Variants in GRM8 observed in about 807,000 individuals in gnomAD.
The protein encoded by GRM8 is glutamate metabotropic receptor 8, also known as metabotropic glutamate receptor 8.
Under a neutral mutation model 87.2 loss-of-function variants are expected in GRM8, and 47 were observed. That is an observed-to-expected ratio of 0.54 (90% CI 0.43 to 0.69). GRM8 has a LOEUF of 0.69. Ranked by LOEUF, GRM8 falls within the 30% of genes least tolerant of loss-of-function variation. The probability of loss-of-function intolerance (pLI) is 0.00; values close to 1 mark genes in which losing one functional copy is unlikely to be tolerated. For synonymous variants in GRM8, 396 were observed against 404.5 expected (o/e 0.98, Z 0.25); for missense variants, 1,019 against 1,139.2 (o/e 0.89, Z 1.52).
At chr7:126,862,925 G>C (rs534173005) in intron 6 of GRM8, among the ~76,000 whole-genome samples, 1 of 152,080 alleles carries the variant, frequency 6.6e-6, no homozygotes, top group African/African-American at 2.4e-5. Flanking sequence ...TATTTTGTTA[G>C]TAATTTCTCC....
At chr7:126,560,831 T>A (rs1793615693) in intron 8 of GRM8, among the ~76,000 whole-genome samples, 1 of 152,222 alleles carries the variant, frequency 6.6e-6, no homozygotes, top group Admixed American at 6.5e-5. Context: ...TTTATCAAGT[T>A]GGCTAAATAG....
intron 8 of GRM8, among the ~76,000 whole-genome samples, chr7:126,594,343 C>G (rs908593826): frequency 1.2e-4 from 18 of 151,954 alleles, no homozygotes; most frequent in African/African-American, 4.1e-4. Context: ...ACCTAAGTGT[C>G]CATCAGTGGA....
chr7:127,194,857 G>A (rs1795201649), intron 2 of GRM8, among the ~76,000 whole-genome samples: 1 of 152,172 alleles, frequency 6.6e-6, no homozygotes, highest in South Asian at 2.1e-4. Context: ...GTCAAGTCAT[G>A]TTTTCCAGGG....
chr7:127,114,590 A>G (rs1418432161), intron 2 of GRM8, among the ~76,000 whole-genome samples: 1 of 152,218 alleles, frequency 6.6e-6, no homozygotes, highest in African/African-American at 2.4e-5. Flanking sequence ...CAGAGAGAGG[A>G]GAGACAAGAT....
chr7:126,525,916 A>G (rs1344136677), intron 9 of GRM8, among the ~76,000 whole-genome samples: 1 of 152,208 alleles, frequency 6.6e-6, no homozygotes, highest in Admixed American at 6.5e-5. Flanking sequence ...TAATTATTCA[A>G]ATAAATCTGT....
At chr7:127,209,929 CCCCA>C (rs1464696649) in intron 2 of GRM8, among the ~76,000 whole-genome samples, 1 of 152,122 alleles carries the variant, frequency 6.6e-6, no homozygotes, top group Non-Finnish European at 1.5e-5. Context: ...CCTGCAGCAT[CCCCA>C]CAACATATAA....
At chr7:126,840,502 T>C (rs899586305) in intron 6 of GRM8, among the ~76,000 whole-genome samples, 3 of 152,232 alleles carry the variant, frequency 2.0e-5, no homozygotes, top group Admixed American at 6.5e-5. Flanking sequence ...CATAGTTTTT[T>C]TCTCATTCAT....
At chr7:127,138,749 T>C (rs1269811562) in intron 2 of GRM8, among the ~76,000 whole-genome samples, 3 of 152,080 alleles carry the variant, frequency 2.0e-5, no homozygotes, top group South Asian at 2.1e-4. Flanking sequence ...AAAACAACTC[T>C]CTTTAGTGAC....
At chr7:127,042,818 G>C (rs571308698) in intron 3 of GRM8, among the ~76,000 whole-genome samples, 24 of 152,266 alleles carry the variant, frequency 1.6e-4, no homozygotes, top group Non-Finnish European at 2.6e-4. Flanking sequence ...CCATCAGAGT[G>C]AACAGGCAAC....
At chr7:127,013,755 G>A (rs1466331576) in intron 3 of GRM8, among the ~76,000 whole-genome samples, 1 of 152,088 alleles carries the variant, frequency 6.6e-6, no homozygotes, top group Non-Finnish European at 1.5e-5. Flanking sequence ...AGAGAATCCT[G>A]TGAACTAAGA....
intron 3 of GRM8, among the ~76,000 whole-genome samples, chr7:127,004,045 T>C (rs771841117): frequency 6.6e-6 from 1 of 151,694 alleles, no homozygotes; most frequent in Admixed American, 6.6e-5. Context: ...AAGGACTTTA[T>C]AAACACATAC....
intron 2 of GRM8, among the ~76,000 whole-genome samples, chr7:127,211,243 T>C (rs1036231521): frequency 1.3e-5 from 2 of 152,192 alleles, no homozygotes; most frequent in Non-Finnish European, 2.9e-5. Flanking sequence ...GCCTTCAGTA[T>C]GTGGTCAAAA....
chr7:126,810,434 G>A (rs1793177644), intron 6 of GRM8, among the ~76,000 whole-genome samples: 1 of 152,152 alleles, frequency 6.6e-6, no homozygotes, highest in African/African-American at 2.4e-5. Context: ...CTGCACCCAT[G>A]ACCCGGTTGC....
In GRM8 at chr7:126,942,306, A is replaced by AT. The variant is rs552416965; in HGVS notation, c.728-37624dup. Among the ~76,000 whole-genome samples the AT allele has an allele frequency of 1.8e-4, 27 of 152,030 alleles. No individual in the cohort carries two copies. The South Asian group carries it at 4.6e-3, about 26-fold the overall frequency. On this transcript the variant is annotated intron_variant, in intron 3 of 10. Coordinates refer to ENST00000339582, the MANE Select transcript of GRM8 (RefSeq NM_000845.3). The stretch of plus-strand genomic sequence containing the variant: ...CCACCTGGCAGGCCTACATGCTATT[A>AT]TTTTTTTTCCATTCTGCATGTCTTT...
intron 9 of GRM8, among the ~76,000 whole-genome samples, chr7:126,531,161 AT>A (rs1814760405): frequency 6.6e-6 from 1 of 152,194 alleles, no homozygotes; most frequent in East Asian, 1.9e-4. Context: ...AATCTTAGCT[AT>A]TTATAATATG....
At chr7:126,985,502 T>C (rs1811965817) in intron 3 of GRM8, among the ~76,000 whole-genome samples, 1 of 152,262 alleles carries the variant, frequency 6.6e-6, no homozygotes, top group Admixed American at 6.5e-5. Context: ...GTCCACTTTC[T>C]GTTGCTTATA....
At chr7:127,081,715 T>C (rs1822886759) in intron 3 of GRM8, among the ~76,000 whole-genome samples, 1 of 152,116 alleles carries the variant, frequency 6.6e-6, no homozygotes, top group Non-Finnish European at 1.5e-5. Context: ...GAACTGAAGA[T>C]ATCATTTGGG....
intron 3 of GRM8, among the ~76,000 whole-genome samples, chr7:127,012,468 T>C (rs1277844775): frequency 6.6e-6 from 1 of 152,186 alleles, no homozygotes; most frequent in African/African-American, 2.4e-5. Flanking sequence ...ATAAATATTT[T>C]AATTTTTTGC....
intron 7 of GRM8, among the ~76,000 whole-genome samples, chr7:126,660,219 T>G (rs888360748): frequency 2.6e-5 from 4 of 152,216 alleles, no homozygotes; most frequent in African/African-American, 9.6e-5. Flanking sequence ...CTTAATCTTA[T>G]GATCTATTCT....
Sources: gnomAD v4.1 joint callset for allele counts (sites outside exome capture counted in the v4.1 genomes callset) on GRCh38, gnomAD v4.1.1 for gene constraint, MANE v1.5 for transcripts, NCBI Gene and HGNC (gene_info 2026-07-23, HGNC 2026-07-21) for gene names.